GRK5: variants seen among roughly 807,000 people sequenced by gnomAD.
GRK5 encodes the protein G protein-coupled receptor kinase 5, also known as g protein-coupled receptor kinase GRK5.
In GRK5, 40 loss-of-function variants were observed where a neutral mutation model predicts 78.4. The ratio of observed to expected loss-of-function variants is 0.51; its 90% confidence interval spans 0.40 to 0.66. The LOEUF is 0.66. Among genes scored for constraint, GRK5 ranks in the 30% least tolerant of loss-of-function variants. GRK5 has a pLI of 0.00. For missense variants in GRK5, 598 were observed against 759.9 expected, an observed-to-expected ratio of 0.79 and a Z score of 2.50; for synonymous variants, 289 against 296.8, an observed-to-expected ratio of 0.97 and a Z score of 0.27.
At position 119,292,139 on chromosome 10, in the gene GRK5, TCTCCTCCTCTTC is replaced by T. The variant is rs1455018328; in HGVS notation, c.53-34355_53-34344del. On this transcript the variant is annotated intron_variant, in intron 1 of 15. Coordinates refer to ENST00000392870, the MANE Select transcript of GRK5 (RefSeq NM_005308.3). ...TCCTCCCTCTCCTCATCTTCCTCCT[TCTCCTCCTCTTC>T]CTCCTCCTCTTCCTCCTCCTCCTCT... 6.2e-3 allele frequency among the ~76,000 whole-genome samples: 23 copies of T among 3,690 alleles called. 1 individual carries two copies. The highest frequency in any genetic ancestry group is 0.02 in the African/African-American group (20 of 976). The allele number at this position is 3,690 out of a possible 152,430, so 2.4% of individuals were successfully genotyped here. A position where few individuals can be genotyped will look rare whatever the true frequency, so the allele number is the denominator to read the frequency against.
chr10:119,408,825 T>G (rs542707805), intron 4 of GRK5, among the ~76,000 whole-genome samples: 59 of 152,310 alleles, frequency 3.9e-4, no homozygotes, highest in African/African-American at 1.4e-3. Context: ...TTGTACACTT[T>G]AAAATGGTTG....
chr10:119,350,710 G>A (rs1408819101), intron 2 of GRK5, among the ~76,000 whole-genome samples: 2 of 152,192 alleles, frequency 1.3e-5, no homozygotes, highest in Admixed American at 1.3e-4. Flanking sequence ...AGGCTGCCAT[G>A]GAGTGGATCA....
At chr10:119,290,356 AAAAAAAAC>A (rs1176084950) in intron 1 of GRK5, among the ~76,000 whole-genome samples, 2 of 144,938 alleles carry the variant, frequency 1.4e-5, no homozygotes, top group Non-Finnish European at 3.0e-5. Context: ...CAAAAAAAAA[AAAAAAAAC>A]AAAAAACAAC....
intron 12 of GRK5, among the ~76,000 whole-genome samples, chr10:119,447,748 T>A (rs1256726004): frequency 6.6e-6 from 1 of 152,196 alleles, no homozygotes; most frequent in Non-Finnish European, 1.5e-5. Flanking sequence ...GAGGTACAAC[T>A]CTGCAAATTA....
chr10:119,395,988 A>C (rs1852044877), intron 3 of GRK5, among the ~76,000 whole-genome samples: 1 of 152,246 alleles, frequency 6.6e-6, no homozygotes. Flanking sequence ...ACATCTTAAA[A>C]AACCTGTGTA....
At chr10:119,383,665 A>G (rs1477656008) in intron 3 of GRK5, among the ~76,000 whole-genome samples, 1 of 152,216 alleles carries the variant, frequency 6.6e-6, no homozygotes, top group Non-Finnish European at 1.5e-5. Context: ...CACTGTAGTC[A>G]TTATCCTGAC....
chr10:119,351,364 A>G (rs1476941422), intron 2 of GRK5, among the ~76,000 whole-genome samples: 2 of 152,012 alleles, frequency 1.3e-5, no homozygotes, highest in Non-Finnish European at 2.9e-5. Context: ...TGTGGGAGGG[A>G]CCTGATGGGA....
chr10:119,365,800 A>G (rs1851439792), intron 2 of GRK5, among the ~76,000 whole-genome samples: 1 of 152,192 alleles, frequency 6.6e-6, no homozygotes, highest in Non-Finnish European at 1.5e-5. Flanking sequence ...TTGGGCCATA[A>G]AGGATGAGGA....
intron 2 of GRK5, among the ~76,000 whole-genome samples, chr10:119,370,954 AC>A (rs1392811835): frequency 7.5e-6 from 1 of 133,708 alleles, no homozygotes; most frequent in African/African-American, 2.7e-5. Context: ...CCCTTTGGAC[AC>A]CCCCCTCCTT....
chr10:119,413,541 G>A lies in GRK5; in HGVS notation c.340-9625G>A, dbSNP rs144946250. ...TGGAACTGGGCAGGCCTGGATTTGC[G>A]TCTCAGGTCTGCTACTTGCTAAGCG... On this transcript the variant is annotated intron_variant, in intron 4 of 15. Transcript: ENST00000392870. Among the ~76,000 whole-genome samples the A allele has an allele frequency of 7.2e-5, 11 of 152,052 alleles. No individual in the cohort carries two copies. In the East Asian group the frequency reaches 1.6e-3, roughly 22 times the overall value.
rs1224182831 is a variant in GRK5, at chr10:119,453,151, G to C, written c.1549G>C (p.Glu517Gln). The C allele has an allele frequency of 6.5e-7, 1 of 1,543,738 alleles. No homozygotes were observed. Among genetic ancestry groups the C allele is most frequent in the Non-Finnish European group, 9.0e-7 (1 of 1,115,770 alleles). Residue 517 changes from glutamate to glutamine, a missense_variant, in exon 15 of 16, where the codon GAA (glutamate) becomes CAA (glutamine). Coordinates refer to ENST00000392870, the MANE Select transcript of GRK5 (RefSeq NM_005308.3). ...VSIPWQNEMI[E>Q]TECFKELNVF... is the part of the protein sequence containing the mutation. ...GTTTTCACGGCCCCTCCAGATGATA[G>C]AAACAGAATGCTTTAAGGAGCTGAA... is the stretch of plus-strand genomic sequence containing the variant.
intron 4 of GRK5, among the ~76,000 whole-genome samples, chr10:119,417,784 G>T (rs560826134): frequency 1.3e-5 from 2 of 152,272 alleles, no homozygotes; most frequent in East Asian, 3.9e-4. Flanking sequence ...GAGTGAAGGT[G>T]CGAAGTCACC....
intron 1 of GRK5, among the ~76,000 whole-genome samples, chr10:119,243,340 A>G (rs774544444): frequency 5.3e-5 from 8 of 152,190 alleles, no homozygotes; most frequent in Non-Finnish European, 8.8e-5. Flanking sequence ...TGGGTTATGT[A>G]CCTATTAAAA....
chr10:119,212,885 C>G (rs1848511456), intron 1 of GRK5: 1 of 152,224 alleles, frequency 6.6e-6, no homozygotes, highest in Admixed American at 6.5e-5. Context: ...GCCTGTGGTC[C>G]CAGCTACTCT....
chr10:119,340,978 C>T (rs895348092), intron 2 of GRK5, among the ~76,000 whole-genome samples: 1 of 152,226 alleles, frequency 6.6e-6, no homozygotes, highest in Non-Finnish European at 1.5e-5. Context: ...TGTTCTGTCT[C>T]TGATCCTGGT....
At chr10:119,224,537 G>C (rs1437503626) in intron 1 of GRK5, among the ~76,000 whole-genome samples, 1 of 152,078 alleles carries the variant, frequency 6.6e-6, no homozygotes, top group African/African-American at 2.4e-5. Flanking sequence ...AGCGCCCCGA[G>C]TAGCTGGGAT....
intron 1 of GRK5, among the ~76,000 whole-genome samples, chr10:119,283,822 T>C (rs896554211): frequency 4.6e-5 from 7 of 152,194 alleles, no homozygotes; most frequent in African/African-American, 1.4e-4. Context: ...AAAGCCTAAA[T>C]TGGGGATAAC....
At chr10:119,360,998 C>T (rs1301587488) in intron 2 of GRK5, among the ~76,000 whole-genome samples, 1 of 152,180 alleles carries the variant, frequency 6.6e-6, no homozygotes, top group African/African-American at 2.4e-5. Context: ...ACAGCAGGTG[C>T]CTCTGGGAAG....
At chr10:119,251,087 T>C (rs571911624) in intron 1 of GRK5, among the ~76,000 whole-genome samples, 4 of 151,024 alleles carry the variant, frequency 2.6e-5, no homozygotes, top group South Asian at 4.2e-4. Context: ...AACATTTGCA[T>C]TCTTTCCTCC....
Sources: allele counts gnomAD v4.1 joint callset (sites outside exome capture counted in the v4.1 genomes callset), GRCh38; gene constraint gnomAD v4.1.1; transcripts MANE v1.5; gene names NCBI Gene and HGNC (gene_info 2026-07-23, HGNC 2026-07-21).